XKR4: variants seen among roughly 807,000 people sequenced by gnomAD.
XKR4 encodes the protein XK-related protein 4.
XKR4 carries 12 observed loss-of-function variants against 53.9 expected under a neutral mutation model. That is an observed-to-expected ratio of 0.22 (90% confidence interval 0.14 to 0.36). XKR4 has a LOEUF of 0.36. XKR4 is among the 10% of genes least tolerant of loss of function. The probability of loss-of-function intolerance (pLI) is 1.00; values close to 1 mark genes in which losing one functional copy is unlikely to be tolerated. For synonymous variants in XKR4, 354 were observed against 362.4 expected (o/e 0.98, Z 0.26); for missense variants, 799 against 859.5 (o/e 0.93, Z 0.88).
At chr8:55,513,599 G>A (rs537008432) in intron 2 of XKR4, among the ~76,000 whole-genome samples, 1 of 152,294 alleles carries the variant, frequency 6.6e-6, no homozygotes, top group East Asian at 1.9e-4. Flanking sequence ...ATACCCACAG[G>A]TGGAAAGAGT....
At chr8:55,454,820 G>A in intron 2 of XKR4, 2 of 768,184 alleles carry the variant, frequency 2.6e-6, no homozygotes, top group South Asian at 1.4e-5. Context: ...TGGGCGACAG[G>A]TGCGTAAGGC....
rs993266481 is a variant in XKR4, at chr8:55,476,235, C to T, written c.1007-47046C>T. On this transcript the variant is annotated intron_variant, in intron 2 of 2. Coordinates refer to ENST00000327381, the MANE Select transcript of XKR4 (RefSeq NM_052898.2). ...AGGCCCACTGCCTAATGCACTAACC[C>T]AAGACCCAGTCATGTGTGACATGAA... Among the ~76,000 whole-genome samples, 83 of 152,100 alleles carry T rather than the reference C, an allele frequency of 5.5e-4. 1 individual carries two copies. Among genetic ancestry groups the T allele is most frequent in the African/African-American group, 1.9e-3 (80 of 41,428 alleles).
chr8:55,184,392 T>G (rs1817350811), intron 1 of XKR4, among the ~76,000 whole-genome samples: 1 of 152,206 alleles, frequency 6.6e-6, no homozygotes, highest in South Asian at 2.1e-4. Flanking sequence ...AATCTCTGTG[T>G]TTTTCTTGTT....
intron 2 of XKR4, among the ~76,000 whole-genome samples, chr8:55,399,422 G>A (rs1277427947): frequency 1.3e-5 from 2 of 152,204 alleles, no homozygotes; most frequent in Admixed American, 6.5e-5. Flanking sequence ...TCTTCCTGAT[G>A]ATAGCTCAGC....
At chr8:55,349,717 C>A (rs763964244) in intron 1 of XKR4, among the ~76,000 whole-genome samples, 6 of 152,054 alleles carry the variant, frequency 3.9e-5, no homozygotes, top group African/African-American at 1.4e-4. Flanking sequence ...AGTCACTAAT[C>A]GAACATGCAT....
At position 55,212,146 on chromosome 8, in the gene XKR4, C is replaced by A. The variant is rs182921220; in HGVS notation, c.806+108852C>A. On this transcript the variant is annotated intron_variant, in intron 1 of 2. Transcript: ENST00000327381. ...AAAAAAAGGCAGAGGGGTGGGGTTG[C>A]AGAGACCAAGGTTCTTATTATGCAG... Among the ~76,000 whole-genome samples, 16 of 150,528 alleles carry A rather than the reference C, an allele frequency of 1.1e-4. No homozygotes were observed. In the East Asian group the frequency reaches 2.9e-3, roughly 28 times the overall value.
At chr8:55,111,144 A>G (rs1459677410) in intron 1 of XKR4, among the ~76,000 whole-genome samples, 1 of 152,188 alleles carries the variant, frequency 6.6e-6, no homozygotes, top group African/African-American at 2.4e-5. Context: ...CAATAGCAGC[A>G]GATTCCAGGC....
intron 2 of XKR4, among the ~76,000 whole-genome samples, chr8:55,365,184 G>C (rs933894222): frequency 6.6e-6 from 1 of 152,200 alleles, no homozygotes; most frequent in Non-Finnish European, 1.5e-5. Context: ...TGTGGAGCAT[G>C]AGGCTGCAGC....
chr8:55,337,272 A>G (rs1357092177), intron 1 of XKR4, among the ~76,000 whole-genome samples: 1 of 152,202 alleles, frequency 6.6e-6, no homozygotes, highest in Non-Finnish European at 1.5e-5. Flanking sequence ...GGTTTCTGGA[A>G]CCCAAGCTGG....
At chr8:55,384,783 A>G (rs1184620015) in intron 2 of XKR4, among the ~76,000 whole-genome samples, 1 of 152,256 alleles carries the variant, frequency 6.6e-6, no homozygotes, top group Non-Finnish European at 1.5e-5. Context: ...GTGCCTCTAA[A>G]AGCATCCATC....
At chr8:55,347,851 G>A (rs528577994) in intron 1 of XKR4, among the ~76,000 whole-genome samples, 1 of 152,282 alleles carries the variant, frequency 6.6e-6, no homozygotes, top group African/African-American at 2.4e-5. Context: ...CTGTGTATAT[G>A]GCTTTCTGTG....
chr8:55,125,202 T>C (rs894633065), intron 1 of XKR4, among the ~76,000 whole-genome samples: 1 of 152,180 alleles, frequency 6.6e-6, no homozygotes, highest in Non-Finnish European at 1.5e-5. Flanking sequence ...TTTGCAGTTA[T>C]TATTATTAAC....
At chr8:55,223,914 C>T (rs1817920363) in intron 1 of XKR4, among the ~76,000 whole-genome samples, 2 of 151,872 alleles carry the variant, frequency 1.3e-5, no homozygotes, top group South Asian at 2.1e-4. Flanking sequence ...AAAGAATAGA[C>T]CTAGTAGAAA....
intron 1 of XKR4, among the ~76,000 whole-genome samples, chr8:55,249,467 C>T (rs1818336033): frequency 6.6e-6 from 1 of 152,198 alleles, no homozygotes; most frequent in Non-Finnish European, 1.5e-5. Flanking sequence ...TCATGATCGA[C>T]CCTGTCCACC....
intron 1 of XKR4, among the ~76,000 whole-genome samples, chr8:55,172,096 C>A (rs777884968): frequency 6.6e-6 from 1 of 151,966 alleles, no homozygotes; most frequent in Non-Finnish European, 1.5e-5. Context: ...TTCCTGTAAT[C>A]CTAGCTACTC....
At chr8:55,184,908 GTTAT>G (rs1817356507) in intron 1 of XKR4, among the ~76,000 whole-genome samples, 3 of 151,776 alleles carry the variant, frequency 2.0e-5, no homozygotes, top group African/African-American at 4.8e-5. Context: ...CAACCAAAGG[GTTAT>G]TTAATTCCCA....
intron 2 of XKR4, among the ~76,000 whole-genome samples, chr8:55,521,836 T>G (rs1428502319): frequency 6.6e-6 from 1 of 152,242 alleles, no homozygotes; most frequent in African/African-American, 2.4e-5. Context: ...TATAAAAATA[T>G]TTTTGAATAA....
chr8:55,535,907 G>A lies in XKR4; in HGVS notation c.*11680G>A, dbSNP rs1296103096. 6.6e-6 allele frequency: 1 copy of A among 152,178 alleles called. No homozygotes were observed. The highest frequency in any genetic ancestry group is 1.5e-5 in the Non-Finnish European group (1 of 68,034). 9.4% of individuals were successfully genotyped at this position (152,178 alleles called of 1,614,324 possible). On this transcript the variant is annotated 3_prime_UTR_variant, in exon 3 of 3. Coordinates refer to ENST00000327381, the MANE Select transcript of XKR4 (RefSeq NM_052898.2). Reference sequence around the variant, plus strand: ...TTCTCCTTGACCACTGGTCCCTATGGGCTCTGCAGGAGAGCTTCTCGTGGG... The same window carrying A: ...TTCTCCTTGACCACTGGTCCCTATGAGCTCTGCAGGAGAGCTTCTCGTGGG...
intron 1 of XKR4, among the ~76,000 whole-genome samples, chr8:55,175,361 A>G (rs546867371): frequency 4.6e-5 from 7 of 152,364 alleles, no homozygotes; most frequent in Admixed American, 3.9e-4. Context: ...CCATTTGGGC[A>G]GATTATGAGT....
Sources: gnomAD v4.1 joint callset for allele counts (sites outside exome capture counted in the v4.1 genomes callset) on GRCh38, gnomAD v4.1.1 for gene constraint, MANE v1.5 for transcripts, NCBI Gene and HGNC (gene_info 2026-07-23, HGNC 2026-07-21) for gene names.